QRICH1: variants seen among roughly 807,000 people sequenced by gnomAD.
The protein encoded by QRICH1 is transcriptional regulator QRICH1.
In QRICH1, 16 loss-of-function variants were observed where a neutral mutation model predicts 87.1. The observed-to-expected ratio is 0.18, with a 90% CI of 0.12 to 0.28. The LOEUF is 0.28. Among genes scored for constraint, QRICH1 ranks in the 10% least tolerant of loss-of-function variants. The pLI, the probability that QRICH1 is intolerant of heterozygous loss-of-function variation, is 1.00. For missense variants in QRICH1, 647 were observed against 951.7 expected, an observed-to-expected ratio of 0.68 and a Z score of 4.21; for synonymous variants, 367 against 368.4, an observed-to-expected ratio of 1.00 and a Z score of 0.05.
intron 2 of QRICH1, among the ~76,000 whole-genome samples, chr3:49,064,702 AAAAC>A (rs1279155509): frequency 6.6e-6 from 1 of 152,102 alleles, no homozygotes; most frequent in African/African-American, 2.4e-5. Context: ...CGTCTATACT[AAAAC>A]AAAAAAAATT....
Position 49,057,592 on chromosome 3 carries a change from T to C in QRICH1, c.608A>G (p.Gln203Arg). ...QQIQAQLVAG[Q>R]SLAGGQQIQI... ...GATCTGCTGACCACCAGCAAGAGAC[T>C]GGCCAGCCACCAGCTGAGCCTGGAT... Residue 203 changes from glutamine (Q) to arginine (R), a missense_variant, in exon 3 of 10, where the codon CAG becomes CGG. Transcript: ENST00000395443. This position sits in a 1 kb window ranked among gnomAD's most constrained non-coding sequence, Gnocchi z 5.4. 6.2e-7 allele frequency: 1 copy of C among 1,613,856 alleles called. No homozygotes were observed. The highest frequency in any genetic ancestry group is 8.5e-7 in the Non-Finnish European group (1 of 1,179,778).
intron 9 of QRICH1, 99 bp from the exon 10 acceptor site, chr3:49,030,743 C>A: frequency 1.9e-6 from 2 of 1,071,144 alleles, no homozygotes; most frequent in East Asian, 2.8e-5. Flanking sequence ...CAGTAAGGCC[C>A]CAAGTTATTG....
At chr3:49,056,262 C>T (rs930349832) in intron 3 of QRICH1, among the ~76,000 whole-genome samples, 1 of 152,182 alleles carries the variant, frequency 6.6e-6, no homozygotes, top group Admixed American at 6.6e-5. Flanking sequence ...AAGTGCACCA[C>T]CTCGCCCGGC....
In QRICH1 at chr3:49,044,458, T is replaced by A; in HGVS notation, c.1718A>T (p.Tyr573Phe). 1 of 1,613,760 alleles carries A rather than the reference T, an allele frequency of 6.2e-7. No individual in the cohort carries two copies. Among genetic ancestry groups the A allele is most frequent in the Non-Finnish European group, 8.5e-7 (1 of 1,179,878 alleles). Residue 573 changes from tyrosine (Y) to phenylalanine (F), a missense_variant, in exon 6 of 10, where the codon TAT becomes TTT. Tyr to Phe is a conservative substitution (Grantham distance 22). Transcript: ENST00000395443. The stretch of plus-strand genomic sequence containing the variant: ...TAGCCACTCCGTGAACCGAACATAA[T>A]AAAGATCGGAGAAAATGTCATCTAC... ...GRVDDIFSDL[Y>F]YVRFTEWLHE...
At chr3:49,041,790 C>A (rs1373066497) in intron 6 of QRICH1, among the ~76,000 whole-genome samples, 3 of 151,932 alleles carry the variant, frequency 2.0e-5, no homozygotes, top group Admixed American at 1.3e-4. Flanking sequence ...GCCACCACGT[C>A]CAGCTAATTT....
chr3:49,041,030 T>C (rs1171089279), intron 6 of QRICH1, among the ~76,000 whole-genome samples: 1 of 152,034 alleles, frequency 6.6e-6, no homozygotes. Flanking sequence ...CAGTGGCAAG[T>C]GATCTTAACT....
In QRICH1 at chr3:49,076,709, C is replaced by T; in HGVS notation, c.309G>A (p.Gln103=). 1.3e-6 allele frequency: 2 copies of T among 1,561,146 alleles called. No individual in the cohort carries two copies. The highest frequency in any genetic ancestry group is 1.7e-6 in the Non-Finnish European group (2 of 1,149,098). Residue 103 remains glutamine (Q), a splice_region_variant and synonymous_variant, in exon 2 of 10, where the codon CAG becomes CAA. Transcript: ENST00000395443. ...QIQVQQPQQV[Q]VQVQVQQSPQ... is the part of the protein sequence containing the mutation. ...CTGCACCTCAGCATTTCCCATATACCTGAACCTGCTGCGGCTGCTGAACCT... is the reference window on the plus strand; with the variant it reads ...CTGCACCTCAGCATTTCCCATATACTTGAACCTGCTGCGGCTGCTGAACCT...
At chr3:49,084,443 C>T (rs757504771) in intron 1 of QRICH1, among the ~76,000 whole-genome samples, 4 of 151,520 alleles carry the variant, frequency 2.6e-5, no homozygotes, top group East Asian at 2.0e-4. Context: ...TTAGTAGAGA[C>T]GGGATTTCGC....
chr3:49,088,620 T>C (rs970885821), intron 1 of QRICH1, among the ~76,000 whole-genome samples: 52 of 139,704 alleles, frequency 3.7e-4, no homozygotes, highest in Non-Finnish European at 5.8e-4. Flanking sequence ...TTTTGTCTGT[T>C]TTTTTTTTTT....
At position 49,044,462 on chromosome 3, in the gene QRICH1, G is replaced by A; in HGVS notation, c.1714C>T (p.Leu572Phe). ...NGRVDDIFSD[L>F]YYVRFTEWLH... ...CACTCCGTGAACCGAACATAATAAA[G>A]ATCGGAGAAAATGTCATCTACCCTT... The change falls in exon 6 of 10, where the codon CTT (leucine) becomes TTT (phenylalanine). Residue 572 changes from leucine to phenylalanine, a missense_variant. By Grantham distance (22) the Leu-to-Phe change is conservative. This residue lies in a region of QRICH1 where 187 missense variants were observed against 309.5 expected (regional missense o/e 0.60). Coordinates refer to ENST00000395443, the MANE Select transcript of QRICH1 (RefSeq NM_198880.3). The A allele has an allele frequency of 6.2e-7, 1 of 1,613,556 alleles. No homozygotes were observed. The highest frequency in any genetic ancestry group is 8.5e-7 in the Non-Finnish European group (1 of 1,179,788).
At chr3:49,071,683 A>C (rs1014822983) in intron 2 of QRICH1, among the ~76,000 whole-genome samples, 1 of 152,164 alleles carries the variant, frequency 6.6e-6, no homozygotes, top group African/African-American at 2.4e-5. Context: ...TGAGCCAGAA[A>C]ATCAGACTTC....
At chr3:49,084,342 G>A (rs1266069465) in intron 1 of QRICH1, among the ~76,000 whole-genome samples, 1 of 151,138 alleles carries the variant, frequency 6.6e-6, no homozygotes, top group Non-Finnish European at 1.5e-5. Context: ...TGAAACCTCC[G>A]CCTCCTAGGT....
chr3:49,050,769 C>A (rs1458039082), intron 3 of QRICH1, among the ~76,000 whole-genome samples: 1 of 152,140 alleles, frequency 6.6e-6, no homozygotes, highest in Non-Finnish European at 1.5e-5. Flanking sequence ...CCATGAACTG[C>A]CAACCATCAT....
At chr3:49,040,420 C>A (rs2093303257) in intron 6 of QRICH1, among the ~76,000 whole-genome samples, 1 of 151,832 alleles carries the variant, frequency 6.6e-6, no homozygotes, top group Non-Finnish European at 1.5e-5. Flanking sequence ...CCTGCCTGGG[C>A]AATACAGCAA....
At chr3:49,041,668 T>C (rs1202265397) in intron 6 of QRICH1, among the ~76,000 whole-genome samples, 1 of 151,884 alleles carries the variant, frequency 6.6e-6, no homozygotes, top group Non-Finnish European at 1.5e-5. Flanking sequence ...TCTCACTCTG[T>C]CACTCAGGCT....
intron 2 of QRICH1, among the ~76,000 whole-genome samples, chr3:49,072,520 T>C (rs2041860450): frequency 6.6e-6 from 1 of 151,188 alleles, no homozygotes; most frequent in Admixed American, 6.6e-5. Flanking sequence ...AATGAGACCC[T>C]GTCTCCATTA....
At chr3:49,094,120 G>C (rs2042336034), upstream of QRICH1, 1 of 398,290 alleles carries the variant, frequency 2.5e-6, no homozygotes. Context: ...GATCCCGCGA[G>C]ATCTGGGACT....
chr3:49,054,946 C>T (rs542784166), intron 3 of QRICH1, among the ~76,000 whole-genome samples: 1 of 152,240 alleles, frequency 6.6e-6, no homozygotes, highest in Non-Finnish European at 1.5e-5. Context: ...CCACAAAGAC[C>T]TCTGTTGACT....
rs550488707 is a variant in QRICH1 at position 49,060,795 on chromosome 3, A to T, written c.310-2905T>A. Among the ~76,000 whole-genome samples, 6 of 152,244 alleles carry T rather than the reference A, an allele frequency of 3.9e-5. No individual in the cohort carries two copies. The East Asian group carries it at 1.2e-3, about 29-fold the overall frequency. ...TTGTAGGAGCACAAACCCTATCGTG[A>T]ACTGCAAATGTGAGGTATCTAGGCT... is the stretch of plus-strand genomic sequence containing the variant. On this transcript the variant is annotated intron_variant, in intron 2 of 9. Transcript: ENST00000395443.
Sources: gnomAD v4.1 joint callset for allele counts (sites outside exome capture counted in the v4.1 genomes callset) on GRCh38, gnomAD v4.1.1 for gene constraint, gnomAD v4.1.1 regional missense constraint, Gnocchi (gnomAD v3.1) non-coding constraint, MANE v1.5 for transcripts, NCBI Gene and HGNC (gene_info 2026-07-23, HGNC 2026-07-21) for gene names.